EP400: variants seen among roughly 807,000 people sequenced by gnomAD.
EP400 encodes the protein E1A-binding protein p400.
In EP400, 105 loss-of-function variants were observed where a neutral mutation model predicts 354.1. The observed-to-expected ratio is 0.30, with a 90% CI of 0.25 to 0.35. The LOEUF is 0.35. Among genes scored for constraint, EP400 ranks in the 10% least tolerant of loss-of-function variants. EP400 has a pLI of 1.00. For synonymous variants in EP400, 1,646 were observed against 1,716.9 expected (o/e 0.96, Z 1.02); for missense variants, 3,280 against 4,121.0 (o/e 0.80, Z 5.59).
At position 131,994,788 on chromosome 12, in the gene EP400, G is replaced by T; in HGVS notation, c.2738-79G>T. 8.5e-7 allele frequency: 1 copy of T among 1,177,552 alleles called. No individual in the cohort carries two copies. Among genetic ancestry groups the T allele is most frequent in the Admixed American group, 2.3e-5 (1 of 42,860 alleles). 72.9% of individuals were successfully genotyped at this position (1,177,552 alleles called of 1,614,324 possible). On this transcript the variant is annotated intron_variant, in intron 11 of 52. Transcript: ENST00000389561. This position sits in a 1 kb window ranked among gnomAD's most constrained non-coding sequence, Gnocchi z 4.6. The stretch of plus-strand genomic sequence containing the variant: ...TGTAATAGCTATGCAAAATAATTTC[G>T]AAGCCTTATAGTGTGTAATGAGTAA...
In EP400 at chr12:132,018,073, G is replaced by T; in HGVS notation, c.4111-137G>T. On this transcript the variant is annotated intron_variant, in intron 20 of 52. Coordinates refer to ENST00000389561, the MANE Select transcript of EP400 (RefSeq NM_015409.5). This position sits in a 1 kb window ranked among gnomAD's most constrained non-coding sequence, Gnocchi z 4.0. ...CACCTGTGTATTGGCACGGAGGAGG[G>T]TCTGCTTGCCGAGTGGCCGTTAGAG... 1 of 1,038,796 alleles carries T rather than the reference G, an allele frequency of 9.6e-7. No individual in the cohort carries two copies. The highest frequency in any genetic ancestry group is 1.4e-6 in the Non-Finnish European group (1 of 709,472). The allele number at this position is 1,038,796 out of a possible 1,614,324, so 64.3% of individuals were successfully genotyped here. A position where few individuals can be genotyped will look rare whatever the true frequency, so the allele number is the denominator to read the frequency against.
In EP400 at chr12:132,018,305, A is replaced by T; in HGVS notation, c.4206A>T (p.Lys1402Asn). 6.2e-7 allele frequency: 1 copy of T among 1,613,354 alleles called. No individual in the cohort carries two copies. ...ELLSKKKIPRKLMEEISTSAA... is the reference protein window; with the variant it reads ...ELLSKKKIPRNLMEEISTSAA... The stretch of plus-strand genomic sequence containing the variant: ...TGTCTAAGAAAAAGATACCGCGGAA[A>T]CTCATGGAGGAAATCTCCACTTCAG... Residue 1402 changes from lysine to asparagine, a missense_variant, in exon 21 of 53, where the codon AAA (lysine) becomes AAT (asparagine). Lys to Asn is a moderately conservative substitution (Grantham distance 94, BLOSUM62 0). This residue lies in a region of EP400 where 342 missense variants were observed against 342.7 expected (regional missense o/e 1.00). Coordinates refer to ENST00000389561, the MANE Select transcript of EP400 (RefSeq NM_015409.5). The surrounding 1 kb of genome is among the most constrained non-coding windows in gnomAD (Gnocchi z 4.0).
At chr12:131,956,487 T>C (rs1317661853) in intron 1 of EP400, among the ~76,000 whole-genome samples, 1 of 152,158 alleles carries the variant, frequency 6.6e-6, no homozygotes, top group East Asian at 1.9e-4. Flanking sequence ...TATTCTACAG[T>C]GAGTATTGTT....
intron 5 of EP400, among the ~76,000 whole-genome samples, chr12:131,983,919 TA>T (rs1477553914): frequency 2.6e-5 from 4 of 151,924 alleles, no homozygotes; most frequent in Admixed American, 2.6e-4. Flanking sequence ...TTTTTTTTTT[TA>T]GACGGAGTTT....
Position 132,038,792 on chromosome 12 carries a change from C to T in EP400, c.6207+696C>T, listed in dbSNP as rs1894798870. On this transcript the variant is annotated intron_variant, in intron 32 of 52. Transcript: ENST00000389561. The surrounding 1 kb of genome is among the most constrained non-coding windows in gnomAD (Gnocchi z 4.2). ...CTTGCCCGCCAAAGCCCTGCAGCCC[C>T]ACGTCCTGGAGATGGAGGCCTTCAG... is the stretch of plus-strand genomic sequence containing the variant. Among the ~76,000 whole-genome samples, 1 of 152,172 alleles carries T rather than the reference C, an allele frequency of 6.6e-6. No individual in the cohort carries two copies. The highest frequency in any genetic ancestry group is 1.9e-4 in the East Asian group (1 of 5,180).
intron 2 of EP400, among the ~76,000 whole-genome samples, chr12:131,976,250 G>T (rs1026091000): frequency 6.6e-6 from 1 of 152,178 alleles, no homozygotes; most frequent in African/African-American, 2.4e-5. Context: ...GTTGGTGTCT[G>T]AGTATGGCTC....
intron 11 of EP400, among the ~76,000 whole-genome samples, chr12:131,992,545 A>G (rs1893075456): frequency 1.3e-5 from 2 of 152,296 alleles, no homozygotes; most frequent in South Asian, 4.1e-4. Flanking sequence ...TGGCCCTGGT[A>G]TGTCCTCTGG....
At chr12:132,046,658 A>G (rs970611763) in intron 39 of EP400, among the ~76,000 whole-genome samples, 3 of 152,188 alleles carry the variant, frequency 2.0e-5, no homozygotes, top group Non-Finnish European at 4.4e-5. Flanking sequence ...CTGGTCAGTA[A>G]CATACAGGCA....
At chr12:132,003,009 A>C (rs891941595) in intron 12 of EP400, among the ~76,000 whole-genome samples, 2 of 152,190 alleles carry the variant, frequency 1.3e-5, no homozygotes, top group Admixed American at 6.5e-5. Flanking sequence ...TCAACTACAG[A>C]TAGAAAATAT....
intron 45 of EP400, among the ~76,000 whole-genome samples, chr12:132,055,816 G>A (rs1234092225): frequency 5.3e-5 from 8 of 151,654 alleles, no homozygotes; most frequent in Non-Finnish European, 8.8e-5. Flanking sequence ...GGAGGTAGGC[G>A]GGATGTGAGG....
At position 132,050,713 on chromosome 12, in the gene EP400, A is replaced by T. The variant is rs746404251; in HGVS notation, c.7394+58A>T. On this transcript the variant is annotated intron_variant, in intron 41 of 52. Transcript: ENST00000389561. This position sits in a 1 kb window ranked among gnomAD's most constrained non-coding sequence, Gnocchi z 4.8. ...TTTGGAAGGATTTCATTCCAGTGTC[A>T]TCTAAGTTCAGTGAGTTCAGCAAAT... 6.6e-5 allele frequency: 106 copies of T among 1,603,054 alleles called. No homozygotes were observed. Among genetic ancestry groups the T allele is most frequent in the Non-Finnish European group, 8.6e-5 (101 of 1,170,446 alleles).
rs775236686 is a variant in EP400 at position 132,064,752 on chromosome 12, C to G, written c.8419C>G (p.Pro2807Ala). ...PPQAQSAPPQ[P>A]TAQVQVQTSQ... ...ACAGGCCCAGTCTGCGCCCCCGCAG[C>G]CAACAGCCCAAGTGCAAGTGCAGAC... Residue 2807 changes from proline to alanine, a missense_variant, in exon 48 of 53, where the codon CCA (proline) becomes GCA (alanine). Coordinates refer to ENST00000389561, the MANE Select transcript of EP400 (RefSeq NM_015409.5). The G allele has an allele frequency of 6.8e-6, 11 of 1,613,674 alleles. No homozygotes were observed. Among genetic ancestry groups the G allele is most frequent in the Non-Finnish European group, 9.3e-6 (11 of 1,179,952 alleles).
At chr12:132,043,844 G>C in intron 34 of EP400, 116 bp downstream of exon 34, 1 of 951,638 alleles carries the variant, frequency 1.1e-6, no homozygotes, top group Admixed American at 2.7e-5. Context: ...AAACCCACAA[G>C]TATGGAAATG....
intron 2 of EP400, among the ~76,000 whole-genome samples, chr12:131,973,988 ATTTT>A (rs57974341): frequency 2.3e-5 from 3 of 128,744 alleles, no homozygotes; most frequent in Non-Finnish European, 1.7e-5. Flanking sequence ...ATGTGTTTGT[ATTTT>A]TTTTTTTTTT....
Position 132,062,545 on chromosome 12 carries a change from ACAACAGCAG to A in EP400, c.8181_8189del (p.Gln2746_Gln2748del), listed in dbSNP as rs760295360. 2 of 1,299,716 alleles carry A rather than the reference ACAACAGCAG, an allele frequency of 1.5e-6. No homozygotes were observed. Among genetic ancestry groups the A allele is most frequent in the Admixed American group, 4.1e-5 (2 of 49,016 alleles). 80.5% of individuals were successfully genotyped at this position (1,299,716 alleles called of 1,614,324 possible). On this transcript the variant is annotated inframe_deletion, in exon 47 of 53. Coordinates refer to ENST00000389561, the MANE Select transcript of EP400 (RefSeq NM_015409.5). ...TCAGGCAGCAGCAGCAGCAGCAGCA[ACAACAGCAG>A]CAGCAGCAGCAGCAGCAGCAGCAGC...
chr12:132,047,647 C>T (rs937406493), intron 39 of EP400, among the ~76,000 whole-genome samples: 65 of 152,174 alleles, frequency 4.3e-4, no homozygotes, highest in Non-Finnish European at 1.5e-5. Context: ...AGGGCGAGAT[C>T]ACAGGACCAC....
chr12:132,030,444 T>G (rs918742689), intron 29 of EP400, among the ~76,000 whole-genome samples: 2 of 152,244 alleles, frequency 1.3e-5, no homozygotes, highest in South Asian at 2.1e-4. Flanking sequence ...GGTAAAAATA[T>G]GAAAACAATT....
At chr12:132,069,723 G>A (rs1189516555) in intron 51 of EP400, 82 bp downstream of exon 51, 4 of 1,570,782 alleles carry the variant, frequency 2.5e-6, no homozygotes, top group African/African-American at 2.7e-5. Context: ...GGCTTTGCGA[G>A]CTCCCAGCCC....
chr12:132,073,919 G>GTTTTTTTTTTTTT (rs34186152), intron 51 of EP400, among the ~76,000 whole-genome samples: 1 of 82,124 alleles, frequency 1.2e-5, no homozygotes, highest in Non-Finnish European at 2.2e-5. Context: ...GTTTTTTGGG[G>GTTTTTTTTTTTTT]TTTTTTTTTT....
Sources: gnomAD v4.1 joint callset for allele counts (sites outside exome capture counted in the v4.1 genomes callset) on GRCh38, gnomAD v4.1.1 for gene constraint, gnomAD v4.1.1 regional missense constraint, Gnocchi (gnomAD v3.1) non-coding constraint, MANE v1.5 for transcripts, NCBI Gene and HGNC (gene_info 2026-07-23, HGNC 2026-07-21) for gene names.